Variants in ACTR3B observed in about 807,000 individuals in gnomAD.
ACTR3B encodes actin related protein 3B.
A neutral mutation model predicts 59.0 loss-of-function variants in ACTR3B; 8 were observed. The observed-to-expected ratio is 0.14, with a 90% CI of 0.08 to 0.24. The LOEUF (loss-of-function observed/expected upper bound fraction) is 0.24. Among genes scored for constraint, ACTR3B ranks in the 10% least tolerant of loss-of-function variants. The probability of loss-of-function intolerance (pLI) is 1.00; values close to 1 mark genes in which losing one functional copy is unlikely to be tolerated. For synonymous variants in ACTR3B, 148 were observed against 197.9 expected (o/e 0.75, Z 2.12); for missense variants, 245 against 552.3 (o/e 0.44, Z 5.58).
chr7:152,820,667 C>T (rs1428503707), intron 7 of ACTR3B, among the ~76,000 whole-genome samples: 1 of 152,228 alleles, frequency 6.6e-6, no homozygotes, highest in Non-Finnish European at 1.5e-5. Context: ...AGCTTGGTAG[C>T]TGGTGCAGCG....
At chr7:152,814,768 C>T (rs1471001653) in intron 5 of ACTR3B, 123 bp downstream of exon 5, 4 of 798,108 alleles carry the variant, frequency 5.0e-6, no homozygotes, top group South Asian at 1.8e-5. Context: ...TCCACTCCCT[C>T]CCCCGTCCCC....
chr7:152,763,274 C>T (rs2117100366), intron 1 of ACTR3B, among the ~76,000 whole-genome samples: 1 of 133,406 alleles, frequency 7.5e-6, no homozygotes, highest in South Asian at 2.3e-4. Context: ...GAGATCGGGC[C>T]ACTGCACTCC....
At chr7:152,844,065 A>T (rs1435840139) in intron 9 of ACTR3B, among the ~76,000 whole-genome samples, 1 of 152,204 alleles carries the variant, frequency 6.6e-6, no homozygotes, top group Non-Finnish European at 1.5e-5. Flanking sequence ...AAATTAAAAA[A>T]TTATTTATTT....
At chr7:152,810,833 G>A (rs1039450382) in intron 4 of ACTR3B, 8 of 151,516 alleles carry the variant, frequency 5.3e-5, no homozygotes, top group Non-Finnish European at 1.0e-4. Context: ...ATTCTGGGAG[G>A]TGGAGTCTCC....
At chr7:152,823,148 G>A (rs796609065) in intron 7 of ACTR3B, among the ~76,000 whole-genome samples, 194 bp from the exon 8 acceptor site, 3,640 of 122,796 alleles carry the variant, frequency 0.03, no homozygotes, top group African/African-American at 0.071. Flanking sequence ...TTACCTGTCC[G>A]AAGTCCAAGT....
chr7:152,814,742 G>A, intron 5 of ACTR3B, 97 bp downstream of exon 5: 2 of 946,300 alleles, frequency 2.1e-6, no homozygotes, highest in Non-Finnish European at 3.2e-6. Context: ...AGACTGCGCT[G>A]TGTGCCCTTC....
chr7:152,764,332 A>G (rs929839605), intron 1 of ACTR3B, among the ~76,000 whole-genome samples: 34 of 152,082 alleles, frequency 2.2e-4, no homozygotes, highest in Admixed American at 7.9e-4. Context: ...ACATGTCTTC[A>G]TTTTTTGAGC....
intron 1 of ACTR3B, among the ~76,000 whole-genome samples, 189 bp from the exon 2 acceptor site, chr7:152,782,998 A>C (rs900445448): frequency 6.6e-6 from 1 of 151,296 alleles, no homozygotes; most frequent in African/African-American, 2.4e-5. Flanking sequence ...AGTTTTTGCA[A>C]AACTGCTTTC....
At chr7:152,840,468 G>T (rs1434064078) in intron 9 of ACTR3B, among the ~76,000 whole-genome samples, 7 of 152,182 alleles carry the variant, frequency 4.6e-5, no homozygotes, top group Non-Finnish European at 8.8e-5. Flanking sequence ...ACGGGTGGGG[G>T]GTTTGCTGCT....
chr7:152,840,764 T>G (rs1797822212), intron 9 of ACTR3B, among the ~76,000 whole-genome samples: 1 of 56,098 alleles, frequency 1.8e-5, no homozygotes. Context: ...ACTTCTGCTG[T>G]CGGCGGCGGG....
At chr7:152,821,580 A>G (rs1280907078) in intron 7 of ACTR3B, among the ~76,000 whole-genome samples, 2 of 152,018 alleles carry the variant, frequency 1.3e-5, no homozygotes, top group African/African-American at 4.8e-5. Context: ...ACTGCCACGG[A>G]GGGGCTTTCC....
At position 152,852,249 on chromosome 7, in the gene ACTR3B, A is replaced by G. The variant is rs1216649200; in HGVS notation, c.1075A>G (p.Lys359Glu). The change falls in exon 10 of 12, where the codon AAG becomes GAG. Residue 359 changes from lysine to glutamate, a missense_variant and splice_region_variant. Transcript: ENST00000256001. Reference protein sequence around the residue: ...LSEELSGGRIKPKPVEVQVVT... With the variant: ...LSEELSGGRIEPKPVEVQVVT... ...CGAGGAGCTCAGCGGCGGGAGGATC[A>G]AGGTAGGAGCCAGAGGCCTCCACGC... 1 of 1,611,808 alleles carries G rather than the reference A, an allele frequency of 6.2e-7. No individual in the cohort carries two copies. The highest frequency in any genetic ancestry group is 8.5e-7 in the Non-Finnish European group (1 of 1,179,390).
chr7:152,797,369 T>C (rs2098221047), intron 2 of ACTR3B, among the ~76,000 whole-genome samples: 2 of 152,204 alleles, frequency 1.3e-5, no homozygotes, highest in African/African-American at 4.8e-5. Flanking sequence ...GCATGAGCCA[T>C]GAGCCACCAC....
intron 1 of ACTR3B, among the ~76,000 whole-genome samples, chr7:152,776,842 T>C (rs2116570831): frequency 6.6e-6 from 1 of 152,292 alleles, no homozygotes; most frequent in African/African-American, 2.4e-5. Context: ...ATATACTGTT[T>C]TCAAGCACTT....
chr7:152,780,197 A>G (rs1253903921), intron 1 of ACTR3B, among the ~76,000 whole-genome samples: 1 of 151,972 alleles, frequency 6.6e-6, no homozygotes, highest in Non-Finnish European at 1.5e-5. Context: ...CTACAAATAC[A>G]AAAATTAGCC....
At chr7:152,809,455 G>A (rs1326697193) in intron 4 of ACTR3B, among the ~76,000 whole-genome samples, 1 of 152,034 alleles carries the variant, frequency 6.6e-6, no homozygotes, top group Non-Finnish European at 1.5e-5. Context: ...GCCCTTACCC[G>A]TTCTTAGCCA....
intron 1 of ACTR3B, among the ~76,000 whole-genome samples, chr7:152,778,943 CAAAAAAAAAAAAAAAAAAAAAAA>C (rs59789390): frequency 0.021 from 756 of 36,750 alleles, 6 homozygotes; most frequent in Non-Finnish European, 0.026. Flanking sequence ...ACTGTGTCTC[CAAAAAAAAAAAAAAAAAAAAAAA>C]AAAAAAAAAA....
chr7:152,847,705 C>T (rs1330431401), intron 9 of ACTR3B, among the ~76,000 whole-genome samples: 1 of 152,160 alleles, frequency 6.6e-6, no homozygotes, highest in Non-Finnish European at 1.5e-5. Flanking sequence ...TGTGGTCGCA[C>T]CTAGCTGTGG....
chr7:152,801,386 G>A (rs1182874953), intron 3 of ACTR3B, among the ~76,000 whole-genome samples: 3 of 152,152 alleles, frequency 2.0e-5, no homozygotes, highest in Non-Finnish European at 2.9e-5. Context: ...GCCTGCCTCC[G>A]TGTCATTGTT....
Sources: allele counts gnomAD v4.1 joint callset (sites outside exome capture counted in the v4.1 genomes callset), GRCh38; gene constraint gnomAD v4.1.1; transcripts MANE v1.5; gene names NCBI Gene and HGNC (gene_info 2026-07-23, HGNC 2026-07-21).